MAST3: variants seen among roughly 807,000 people sequenced by gnomAD.
MAST3 encodes the protein microtubule-associated serine/threonine-protein kinase 3.
In MAST3, 43 loss-of-function variants were observed where a neutral mutation model predicts 127.0. The ratio of observed to expected loss-of-function variants is 0.34; its 90% CI spans 0.27 to 0.44. MAST3 has a LOEUF of 0.44. Ranked by LOEUF, MAST3 falls within the 20% of genes least tolerant of loss-of-function variation. The probability of loss-of-function intolerance (pLI) is 1.00; values close to 1 mark genes in which losing one functional copy is unlikely to be tolerated. For missense variants in MAST3, 1,390 were observed against 1,919.1 expected (o/e 0.72, Z 5.15); for synonymous variants, 785 against 809.2 (o/e 0.97, Z 0.51).
At chr19:18,142,095 G>T in intron 21 of MAST3, 80 bp downstream of exon 21, 3 of 1,311,214 alleles carry the variant, frequency 2.3e-6, no homozygotes, top group Non-Finnish European at 2.9e-6. Flanking sequence ...GATGCAAAGG[G>T]AGCTTCCTAG....
At position 18,141,050 on chromosome 19, in the gene MAST3, T is replaced by A. The variant is rs543282611; in HGVS notation, c.2206-832T>A. On this transcript the variant is annotated intron_variant, in intron 20 of 27. Coordinates refer to ENST00000687212, the MANE Select transcript of MAST3 (RefSeq NM_001393504.1). Reference sequence around the variant, plus strand: ...CTCAAGCGATCCGCCTGCCTCAGCCTCCCAAAGTCCTGGGATTAAAGGCAT... The same window carrying A: ...CTCAAGCGATCCGCCTGCCTCAGCCACCCAAAGTCCTGGGATTAAAGGCAT... 5.9e-5 allele frequency among the ~76,000 whole-genome samples: 9 copies of A among 152,224 alleles called. No individual in the cohort carries two copies. In the South Asian group the frequency reaches 1.9e-3, roughly 32 times the overall value.
chr19:18,139,430 T>C (rs553032913), intron 20 of MAST3, among the ~76,000 whole-genome samples: 1 of 152,282 alleles, frequency 6.6e-6, no homozygotes, highest in South Asian at 2.1e-4. Context: ...GTTCAAGCGA[T>C]TCTCCTGCCT....
chr19:18,133,799 C>T (rs1349374799), intron 15 of MAST3, among the ~76,000 whole-genome samples: 2 of 152,022 alleles, frequency 1.3e-5, no homozygotes, highest in Non-Finnish European at 2.9e-5. Context: ...GGTGATCTGC[C>T]GGCTTCGGCC....
chr19:18,134,292 C>A (rs2147474349), intron 15 of MAST3, among the ~76,000 whole-genome samples: 1 of 151,584 alleles, frequency 6.6e-6, no homozygotes, highest in South Asian at 2.1e-4. Context: ...TGGCTCACAC[C>A]TGTCATGCCA....
rs776967887 is a variant in MAST3 at position 18,145,965 on chromosome 19, A to G, written c.3162+100A>G. 3 of 1,381,202 alleles carry G rather than the reference A, an allele frequency of 2.2e-6. No individual in the cohort carries two copies. The highest frequency in any genetic ancestry group is 2.9e-6 in the Non-Finnish European group (3 of 1,045,378). 85.6% of individuals were successfully genotyped at this position (1,381,202 alleles called of 1,614,324 possible). ...TCCGCGTCCAGACACACAACCCCAC[A>G]TTCAATGTCAACTCCAGGCCTGGCA... On this transcript the variant is annotated intron_variant, in intron 25 of 27. Transcript: ENST00000687212. The surrounding 1 kb of genome is among the most constrained non-coding windows in gnomAD (Gnocchi z 5.9).
intron 1 of MAST3, among the ~76,000 whole-genome samples, chr19:18,102,481 C>CTTT (rs147386221): frequency 7.6e-6 from 1 of 131,726 alleles, no homozygotes; most frequent in Admixed American, 7.7e-5. Flanking sequence ...GCCCGGCCAC[C>CTTT]TTTTTTTTTT....
In MAST3 at chr19:18,124,833, C is replaced by T. The variant is rs552565588; in HGVS notation, c.1078+59C>T. The T allele has an allele frequency of 2.6e-5, 40 of 1,527,816 alleles. No homozygotes were observed. The South Asian group carries it at 4.2e-4, about 16-fold the overall frequency. 94.6% of individuals were successfully genotyped at this position (1,527,816 alleles called of 1,614,324 possible). On this transcript the variant is annotated intron_variant, in intron 11 of 27. Coordinates refer to ENST00000687212, the MANE Select transcript of MAST3 (RefSeq NM_001393504.1). ...GGAAAGGCCGGATGGAGGCCAGGCACGGTGGCTCACACCTTTAATACCAGC... is the reference window on the plus strand; with the variant it reads ...GGAAAGGCCGGATGGAGGCCAGGCATGGTGGCTCACACCTTTAATACCAGC...
chr19:18,123,742 C>A, intron 8 of MAST3, 87 bp downstream of exon 8: 4 of 1,201,114 alleles, frequency 3.3e-6, no homozygotes, highest in Non-Finnish European at 4.6e-6. Flanking sequence ...CTGGCTATGT[C>A]CCCTTTGCCA....
chr19:18,138,478 G>T (rs1323661969), intron 19 of MAST3, among the ~76,000 whole-genome samples: 1 of 151,510 alleles, frequency 6.6e-6, no homozygotes, highest in African/African-American at 2.4e-5. Context: ...ACCATGCTTG[G>T]CTAATTGGTC....
chr19:18,135,042 G>A, intron 17 of MAST3, 60 bp downstream of exon 17: 2 of 1,521,498 alleles, frequency 1.3e-6, no homozygotes, highest in Non-Finnish European at 8.9e-7. Flanking sequence ...CTGGGCAGCG[G>A]TCCTCCACCC....
At chr19:18,101,368 T>TCCTC (rs2037601298) in intron 1 of MAST3, among the ~76,000 whole-genome samples, 4 of 142,352 alleles carry the variant, frequency 2.8e-5, no homozygotes, top group Admixed American at 7.2e-5. Flanking sequence ...TCCTTCTCCT[T>TCCTC]CTCCTCCTCC....
Position 18,134,799 on chromosome 19 carries a change from C to T in MAST3, c.1705-18C>T, listed in dbSNP as rs1310159762. 6.2e-7 allele frequency: 1 copy of T among 1,613,930 alleles called. No homozygotes were observed. Among genetic ancestry groups the T allele is most frequent in the South Asian group, 1.1e-5 (1 of 91,066 alleles). Reference sequence around the variant, plus strand: ...GGGCTGGGGGCTGGCCTCAGTTTCCCCGTTCTCCCTGGCCCAGGTGTGTGG... The same window carrying T: ...GGGCTGGGGGCTGGCCTCAGTTTCCTCGTTCTCCCTGGCCCAGGTGTGTGG... On this transcript the variant is annotated intron_variant, in intron 16 of 27. Coordinates refer to ENST00000687212, the MANE Select transcript of MAST3 (RefSeq NM_001393504.1).
Position 18,149,534 on chromosome 19 carries a change from C to T in MAST3, c.3852C>T (p.Ala1284=), listed in dbSNP as rs748087638. ...GGCGGCGCACTCGTGGGCCAGAGGC[C>T]GAGCTCGTGGTCATGCGGCGGCTGC... The part of the protein sequence containing the change: ...EAGRRTRGPE[A]ELVVMRRLHL... Residue 1284 remains alanine, a synonymous_variant, in exon 28 of 28, where the codon GCC becomes GCT. Transcript: ENST00000687212. This position sits in a 1 kb window ranked among gnomAD's most constrained non-coding sequence, Gnocchi z 5.9. 5.4e-5 allele frequency: 84 copies of T among 1,558,864 alleles called. No individual in the cohort carries two copies. Among genetic ancestry groups the T allele is most frequent in the Non-Finnish European group, 6.9e-5 (79 of 1,152,354 alleles).
chr19:18,101,667 G>A (rs2037632302), intron 1 of MAST3, among the ~76,000 whole-genome samples: 1 of 152,000 alleles, frequency 6.6e-6, no homozygotes. Flanking sequence ...ATCTTGCCCT[G>A]TCGCCCAGGC....
Position 18,147,099 on chromosome 19 carries a change from C to CTTTTT in MAST3, c.3326+73_3326+77dup, listed in dbSNP as rs147946466. ...GGGTTCTTTTTTTCTTTTCTTTTTC[C>CTTTTT]TTTTTTTTTTTTTTTTTTTTTTGAG... On this transcript the variant is annotated intron_variant, in intron 26 of 27. Coordinates refer to ENST00000687212, the MANE Select transcript of MAST3 (RefSeq NM_001393504.1). 1.4e-3 allele frequency: 1,242 copies of CTTTTT among 893,368 alleles called. 1 individual carries two copies. The highest frequency in any genetic ancestry group is 2.2e-3 in the Admixed American group (46 of 20,732). 55.3% of individuals were successfully genotyped at this position (893,368 alleles called of 1,614,324 possible).
At chr19:18,128,495 G>A (rs2040911508) in intron 12 of MAST3, 37 bp downstream of exon 12, 3 of 1,545,050 alleles carry the variant, frequency 1.9e-6, no homozygotes, top group Admixed American at 2.0e-5. Context: ...CGCTCATCTT[G>A]TTCTTTCCAG....
intron 25 of MAST3, among the ~76,000 whole-genome samples, chr19:18,146,420 C>G (rs1282227219): frequency 6.6e-6 from 1 of 152,136 alleles, no homozygotes; most frequent in Admixed American, 6.5e-5. Flanking sequence ...GCACTCCAGC[C>G]TGGGACACAG....
At chr19:18,121,046 G>A (rs1027517201) in intron 3 of MAST3, among the ~76,000 whole-genome samples, 1 of 152,012 alleles carries the variant, frequency 6.6e-6, no homozygotes, top group Admixed American at 6.6e-5. Flanking sequence ...TAGTAGAGAC[G>A]GGTTTCACCA....
chr19:18,128,872 G>A lies in MAST3; in HGVS notation c.1144G>A (p.Ala382Thr), dbSNP rs749738566. The A allele has an allele frequency of 1.3e-5, 21 of 1,613,298 alleles. No individual in the cohort carries two copies. The highest frequency in any genetic ancestry group is 8.8e-5 in the South Asian group (8 of 91,082). The stretch of plus-strand genomic sequence containing the variant: ...AGCCCTTCCCATCCCCTAGAGCCGC[G>A]CCCTGGTCGGCCAGTCACGGAGGAA... Reference protein sequence around the residue: ...PPAPESPESRALVGQSRRKPC... With the variant: ...PPAPESPESRTLVGQSRRKPC... The change falls in exon 13 of 28, where the codon GCC becomes ACC. Residue 382 changes from alanine (A) to threonine (T), a missense_variant. Ala to Thr is a moderately conservative substitution (Grantham distance 58, BLOSUM62 0). Transcript: ENST00000687212.
Sources: allele counts gnomAD v4.1 joint callset (sites outside exome capture counted in the v4.1 genomes callset), GRCh38; gene constraint gnomAD v4.1.1; non-coding constraint Gnocchi (gnomAD v3.1); transcripts MANE v1.5; gene names NCBI Gene and HGNC (gene_info 2026-07-23, HGNC 2026-07-21).